SCN4A: variants seen among roughly 807,000 people sequenced by gnomAD.
SCN4A encodes the protein sodium voltage-gated channel alpha subunit 4, also known as sodium channel protein type 4 subunit alpha.
Under a neutral mutation model 162.0 loss-of-function variants are expected in SCN4A, and 83 were observed. The observed-to-expected ratio is 0.51, with a 90% CI of 0.43 to 0.61. The LOEUF (loss-of-function observed/expected upper bound fraction) is 0.61, where lower values mean the gene tolerates loss of function less well. Among genes scored for constraint, SCN4A ranks in the 20% least tolerant of loss-of-function variants. SCN4A has a pLI of 0.00. For missense variants in SCN4A, 2,196 were observed against 2,462.5 expected, an observed-to-expected ratio of 0.89 and a Z score of 2.29; for synonymous variants, 944 against 985.1, an observed-to-expected ratio of 0.96 and a Z score of 0.78.
chr17:63,949,268 C>T (rs1276412539), intron 15 of SCN4A, 125 bp downstream of exon 15: 2 of 1,015,870 alleles, frequency 2.0e-6, no homozygotes, highest in Admixed American at 5.4e-5. Flanking sequence ...CACCCCTAGA[C>T]ACGTGAGGCA....
At position 63,942,934 on chromosome 17, in the gene SCN4A, T is replaced by C. The variant is rs981021623; in HGVS notation, c.4180A>G (p.Ile1394Val). 17 of 1,613,960 alleles carry C rather than the reference T, an allele frequency of 1.1e-5. No homozygotes were observed. The highest frequency in any genetic ancestry group is 1.7e-5 in the Admixed American group (1 of 60,016). Residue 1394 changes from isoleucine to valine, a missense_variant, in exon 23 of 24, where the codon ATC (isoleucine) becomes GTC (valine). Coordinates refer to ENST00000435607, the MANE Select transcript of SCN4A (RefSeq NM_000334.4). Reference sequence around the variant, plus strand: ...AGCACGCACTCCCCTGTGAAGATGATGATGAAGATCATGTTGATGTTGTAC... The same window carrying C: ...AGCACGCACTCCCCTGTGAAGATGACGATGAAGATCATGTTGATGTTGTAC... ...ILYNINMIFI[I>V]IFTGECVLKM...
At chr17:63,964,360 C>A in intron 9 of SCN4A, 108 bp downstream of exon 9, 2 of 957,766 alleles carry the variant, frequency 2.1e-6, no homozygotes, top group Non-Finnish European at 3.2e-6. Context: ...AAAACCCCTA[C>A]CCCTGTACCC....
Position 63,941,527 on chromosome 17 carries a change from G to A in SCN4A, c.4755C>T (p.Ser1585=). ...ICFFCSYIII[S]FLIVVNMYIA... Reference sequence around the variant, plus strand: ...TGTACATGTTGACCACGATGAGGAAGGAGATGATGATATAGCTGCAGAAGA... The same window carrying A: ...TGTACATGTTGACCACGATGAGGAAAGAGATGATGATATAGCTGCAGAAGA... The change falls in exon 24 of 24, where the codon TCC becomes TCT. Residue 1585 remains serine, a synonymous_variant. Coordinates refer to ENST00000435607, the MANE Select transcript of SCN4A (RefSeq NM_000334.4). This position sits in a 1 kb window ranked among gnomAD's most constrained non-coding sequence, Gnocchi z 6.2. 2.5e-6 allele frequency: 4 copies of A among 1,614,152 alleles called. No homozygotes were observed. The highest frequency in any genetic ancestry group is 3.4e-6 in the Non-Finnish European group (4 of 1,180,040).
chr17:63,967,099 T>C (rs1394893001), intron 6 of SCN4A, among the ~76,000 whole-genome samples: 3 of 151,484 alleles, frequency 2.0e-5, no homozygotes. Context: ...GGACAGGGGG[T>C]GCACAGGTTA....
Position 63,964,654 on chromosome 17 carries a change from G to C in SCN4A, c.1266C>G (p.Thr422=), listed in dbSNP as rs201746723. The change falls in exon 9 of 24, where the codon ACC becomes ACG. Residue 422 remains threonine, a synonymous_variant. Transcript: ENST00000435607. ...TGATGACCACGAAGAAGATCATGTA[G>C]GTCTTGCCAGCTGCTCGAAGGGTCT... ...FQLTLRAAGK[T]YMIFFVVIIF... 1.9e-6 allele frequency: 3 copies of C among 1,609,994 alleles called. No homozygotes were observed. The East Asian group carries it at 6.7e-5, about 36-fold the overall frequency.
At chr17:63,958,013 A>AG (rs1324906810) in intron 12 of SCN4A, among the ~76,000 whole-genome samples, 5 of 150,302 alleles carry the variant, frequency 3.3e-5, no homozygotes, top group African/African-American at 1.2e-4. Context: ...AAAAAAAAAA[A>AG]AAAAAAGAAA....
At position 63,950,174 on chromosome 17, in the gene SCN4A, G is replaced by T. The variant is rs1908862761; in HGVS notation, c.2854-646C>A. On this transcript the variant is annotated intron_variant, in intron 14 of 23. Coordinates refer to ENST00000435607, the MANE Select transcript of SCN4A (RefSeq NM_000334.4). This position sits in a 1 kb window ranked among gnomAD's most constrained non-coding sequence, Gnocchi z 4.6. Reference sequence around the variant, plus strand: ...CGGCCCCAGACTCCACCCGGCAGGGGACCCCTTCAAGGCTGAGGGTGAGGC... The same window carrying T: ...CGGCCCCAGACTCCACCCGGCAGGGTACCCCTTCAAGGCTGAGGGTGAGGC... Among the ~76,000 whole-genome samples, 1 of 152,162 alleles carries T rather than the reference G, an allele frequency of 6.6e-6. No homozygotes were observed. Among genetic ancestry groups the T allele is most frequent in the African/African-American group, 2.4e-5 (1 of 41,438 alleles).
chr17:63,941,185 C>G lies in SCN4A; in HGVS notation c.5097G>C (p.Gln1699His). ...CTGCCATGAACTTCTCCTCCATGGT[C>G]TGCTTGAGGGCGTCCATTTCCCCAG... Reference protein sequence around the residue: ...GDSGEMDALKQTMEEKFMAAN... With the variant: ...GDSGEMDALKHTMEEKFMAAN... The change falls in exon 24 of 24, where the codon CAG (glutamine) becomes CAC (histidine). Residue 1699 changes from glutamine (Q) to histidine (H), a missense_variant. By Grantham distance (24) the Gln-to-His change is conservative (BLOSUM62 0). Transcript: ENST00000435607. This position sits in a 1 kb window ranked among gnomAD's most constrained non-coding sequence, Gnocchi z 6.2. 1 of 1,613,840 alleles carries G rather than the reference C, an allele frequency of 6.2e-7. No individual in the cohort carries two copies. The highest frequency in any genetic ancestry group is 1.1e-5 in the South Asian group (1 of 91,084).
At chr17:63,949,146 G>A (rs1280595914) in intron 15 of SCN4A, among the ~76,000 whole-genome samples, 1 of 152,210 alleles carries the variant, frequency 6.6e-6, no homozygotes, top group African/African-American at 2.4e-5. Flanking sequence ...TGAAGATGGA[G>A]GGGAGGATCT....
intron 11 of SCN4A, among the ~76,000 whole-genome samples, chr17:63,960,116 T>C (rs1909198955): frequency 6.6e-6 from 1 of 152,216 alleles, no homozygotes; most frequent in African/African-American, 2.4e-5. Flanking sequence ...GAAAGCTCCC[T>C]GGGCACGGCC....
In SCN4A at chr17:63,941,332, C is replaced by T. The variant is rs375995481; in HGVS notation, c.4950G>A (p.Pro1650=). 1.1e-5 allele frequency: 18 copies of T among 1,613,886 alleles called. No homozygotes were observed. Among genetic ancestry groups the T allele is most frequent in the African/African-American group, 9.3e-5 (7 of 75,002 alleles). The change falls in exon 24 of 24, where the codon CCG becomes CCA. Residue 1650 remains proline, a synonymous_variant. Coordinates refer to ENST00000435607, the MANE Select transcript of SCN4A (RefSeq NM_000334.4). The surrounding 1 kb of genome is among the most constrained non-coding windows in gnomAD (Gnocchi z 6.2). ...LSDFVDTLQE[P]LRIAKPNKIK... ...TCTTGTTGGGCTTGGCAATCCTCAG[C>T]GGTTCCTGCAGGGTGTCCACGAAGT...
In SCN4A at chr17:63,940,557, T is replaced by C; in HGVS notation, c.*214A>G. On this transcript the variant is annotated 3_prime_UTR_variant, in exon 24 of 24. Coordinates refer to ENST00000435607, the MANE Select transcript of SCN4A (RefSeq NM_000334.4). ...GGAGGCAGGGGCCTCAGACCCAGCATGGAGCCCCTGAGCGCAATTCCCATT... is the reference window on the plus strand; with the variant it reads ...GGAGGCAGGGGCCTCAGACCCAGCACGGAGCCCCTGAGCGCAATTCCCATT... 1 of 514,636 alleles carries C rather than the reference T, an allele frequency of 1.9e-6. No homozygotes were observed. 31.9% of individuals were successfully genotyped at this position (514,636 alleles called of 1,614,324 possible). A position where few individuals can be genotyped will look rare whatever the true frequency, so the allele number is the denominator to read the frequency against.
chr17:63,943,137 G>A (rs1908600231), intron 22 of SCN4A, 41 bp from the exon 23 acceptor site: 1 of 1,586,474 alleles, frequency 6.3e-7, no homozygotes, highest in Admixed American at 1.7e-5. Context: ...AGTTGGGGTG[G>A]CCAGGCCCAG....
intron 8 of SCN4A, among the ~76,000 whole-genome samples, chr17:63,965,154 C>T (rs1665175438): frequency 6.6e-6 from 1 of 151,852 alleles, no homozygotes; most frequent in Admixed American, 6.6e-5. Context: ...AAGTGATTCT[C>T]CTTCCTCAGT....
rs1353409784 is a variant in SCN4A at position 63,963,746 on chromosome 17, T to G, written c.1532A>C (p.Asp511Ala). The change falls in exon 10 of 24, where the codon GAC (aspartate) becomes GCC (alanine). Residue 511 changes from aspartate to alanine, a missense_variant. Asp to Ala is a moderately radical substitution (Grantham distance 126). Transcript: ENST00000435607. ...GGCTCCCTTCTCCCCTTGCGATGTG[T>G]CCAGGCTGCCATTGCAGTCTTTGCC... ...AHGKDCNGSL[D>A]TSQGEKGAPR... 6.2e-7 allele frequency: 1 copy of G among 1,610,346 alleles called. No homozygotes were observed. Among genetic ancestry groups the G allele is most frequent in the Non-Finnish European group, 8.5e-7 (1 of 1,178,878 alleles).
At position 63,944,822 on chromosome 17, in the gene SCN4A, A is replaced by G. The variant is rs1191297022; in HGVS notation, c.3775-12T>C. On this transcript the variant is annotated splice_polypyrimidine_tract_variant and intron_variant, in intron 20 of 23. Transcript: ENST00000435607. The surrounding 1 kb of genome is among the most constrained non-coding windows in gnomAD (Gnocchi z 4.3). ...GGCTGCTCCTCCTTCTGTGGGAGCC[A>G]CAGGGTGGGACGGCGTGGGTTTGCA... is the stretch of plus-strand genomic sequence containing the variant. 2 of 1,612,774 alleles carry G rather than the reference A, an allele frequency of 1.2e-6. No individual in the cohort carries two copies.
At position 63,941,923 on chromosome 17, in the gene SCN4A, C is replaced by T. The variant is rs757915411; in HGVS notation, c.4359G>A (p.Ala1453=). 1.4e-5 allele frequency: 22 copies of T among 1,610,036 alleles called. No individual in the cohort carries two copies. Among genetic ancestry groups the T allele is most frequent in the Admixed American group, 5.0e-5 (3 of 59,890 alleles). Residue 1453 remains alanine, a synonymous_variant, in exon 24 of 24, where the codon GCG becomes GCA. Transcript: ENST00000435607. The surrounding 1 kb of genome is among the most constrained non-coding windows in gnomAD (Gnocchi z 6.2). ...SPTLFRVIRL[A]RIGRVLRLIR... is the part of the protein sequence containing the mutation. Reference sequence around the variant, plus strand: ...TCAGCCGCAGGACACGCCCAATCCGCGCCAGGCGGATCACACGGAACAGCG... The same window carrying T: ...TCAGCCGCAGGACACGCCCAATCCGTGCCAGGCGGATCACACGGAACAGCG...
rs548333586 is a variant in SCN4A, at chr17:63,941,005, G to A, written c.5277C>T (p.Asp1759=). 5 of 1,613,606 alleles carry A rather than the reference G, an allele frequency of 3.1e-6. No individual in the cohort carries two copies. Among genetic ancestry groups the A allele is most frequent in the Admixed American group, 3.3e-5 (2 of 60,018 alleles). ...TCTCAGGGGCGTCATCCCCGCTGCCGTCGTGGCTGTGGCGGTACATGTAGG... is the reference window on the plus strand; with the variant it reads ...TCTCAGGGGCGTCATCCCCGCTGCCATCGTGGCTGTGGCGGTACATGTAGG... ...QASYMYRHSH[D]GSGDDAPEKE... Residue 1759 remains aspartate (D), a synonymous_variant, in exon 24 of 24, where the codon GAC becomes GAT. Coordinates refer to ENST00000435607, the MANE Select transcript of SCN4A (RefSeq NM_000334.4). This position sits in a 1 kb window ranked among gnomAD's most constrained non-coding sequence, Gnocchi z 6.2.
In SCN4A at chr17:63,943,865, G is replaced by A; in HGVS notation, c.3913-15C>T. The A allele has an allele frequency of 6.5e-7, 1 of 1,543,524 alleles. No individual in the cohort carries two copies. The highest frequency in any genetic ancestry group is 9.0e-7 in the Non-Finnish European group (1 of 1,115,940). On this transcript the variant is annotated splice_polypyrimidine_tract_variant and intron_variant, in intron 21 of 23. Coordinates refer to ENST00000435607, the MANE Select transcript of SCN4A (RefSeq NM_000334.4). ...TTCCCCCCTAAGTATAGTGGGATAG[G>A]GCTTGTCAGGTTGAGGTGCAGTTCC...
Sources: gnomAD v4.1 joint callset for allele counts (sites outside exome capture counted in the v4.1 genomes callset) on GRCh38, gnomAD v4.1.1 for gene constraint, Gnocchi (gnomAD v3.1) non-coding constraint, MANE v1.5 for transcripts, NCBI Gene and HGNC (gene_info 2026-07-23, HGNC 2026-07-21) for gene names.